NCOA1: variants seen among roughly 807,000 people sequenced by gnomAD.
NCOA1 encodes the protein nuclear receptor coactivator 1.
In NCOA1, 35 loss-of-function variants were observed where a neutral mutation model predicts 150.9. The ratio of observed to expected loss-of-function variants is 0.23; its 90% CI spans 0.18 to 0.31. NCOA1 has a LOEUF of 0.31. Ranked by LOEUF, NCOA1 falls within the 10% of genes least tolerant of loss-of-function variation. The pLI, the probability that NCOA1 is intolerant of heterozygous loss-of-function variation, is 1.00. For synonymous variants in NCOA1, 590 were observed against 630.0 expected, an observed-to-expected ratio of 0.94 and a Z score of 0.95; for missense variants, 1,491 against 1,749.3, an observed-to-expected ratio of 0.85 and a Z score of 2.63.
chr2:24,701,958 C>T (rs867087936), intron 11 of NCOA1, among the ~76,000 whole-genome samples: 12 of 152,140 alleles, frequency 7.9e-5, no homozygotes, highest in Non-Finnish European at 1.2e-4. Flanking sequence ...TGCAGTGAGG[C>T]GAGATCATGC....
At chr2:24,524,076 T>TAA (rs1203642581) in intron 1 of NCOA1, among the ~76,000 whole-genome samples, 5 of 152,080 alleles carry the variant, frequency 3.3e-5, no homozygotes, top group Admixed American at 2.0e-4. Context: ...ATGATAAACT[T>TAA]TGCACAAAAA....
At chr2:24,645,510 GAAAAAAA>G (rs397873594) in intron 4 of NCOA1, among the ~76,000 whole-genome samples, 2 of 73,342 alleles carry the variant, frequency 2.7e-5, no homozygotes, top group African/African-American at 1.3e-4. Context: ...ACTCCTCTCA[GAAAAAAA>G]AAAAAAAAAA....
intron 5 of NCOA1, among the ~76,000 whole-genome samples, chr2:24,665,049 AGGTGC>A (rs965706471): frequency 5.9e-5 from 9 of 152,242 alleles, no homozygotes; most frequent in Non-Finnish European, 1.3e-4. Flanking sequence ...TTTTTTAAAA[AGGTGC>A]TACCTGTATG....
intron 1 of NCOA1, among the ~76,000 whole-genome samples, chr2:24,502,823 C>T (rs185272648): frequency 2.9e-4 from 44 of 152,228 alleles, no homozygotes; most frequent in Non-Finnish European, 2.9e-5. Context: ...CAGATTTCAC[C>T]TTGCTTATTA....
intron 1 of NCOA1, among the ~76,000 whole-genome samples, chr2:24,508,403 C>G (rs1663793057): frequency 6.6e-6 from 1 of 151,848 alleles, no homozygotes; most frequent in East Asian, 1.9e-4. Flanking sequence ...CTTTTACAAA[C>G]CAGAACATTC....
chr2:24,744,551 A>G (rs965034469), intron 19 of NCOA1, among the ~76,000 whole-genome samples: 1 of 152,258 alleles, frequency 6.6e-6, no homozygotes, highest in Non-Finnish European at 1.5e-5. Flanking sequence ...GTTGGCACAA[A>G]ATGAAGTTCT....
chr2:24,724,496 A>G (rs1023817677), intron 14 of NCOA1, among the ~76,000 whole-genome samples: 2 of 152,218 alleles, frequency 1.3e-5, no homozygotes, highest in African/African-American at 2.4e-5. Flanking sequence ...CATGCAGTCT[A>G]TCCAAACAAA....
chr2:24,584,407 A>T (rs1667316926), intron 2 of NCOA1, 69 bp from the exon 3 acceptor site: 1 of 152,156 alleles, frequency 6.6e-6, no homozygotes, highest in Non-Finnish European at 1.5e-5. Flanking sequence ...TCCAAAGTAG[A>T]CTGCATTAAT....
chr2:24,730,568 A>G (rs555679161), intron 17 of NCOA1, among the ~76,000 whole-genome samples: 6 of 152,304 alleles, frequency 3.9e-5, no homozygotes, highest in African/African-American at 1.4e-4. Flanking sequence ...TGATGTTACT[A>G]TATTAGGAGA....
intron 4 of NCOA1, among the ~76,000 whole-genome samples, chr2:24,652,640 C>A (rs1259772950): frequency 6.6e-6 from 1 of 152,064 alleles, no homozygotes; most frequent in African/African-American, 2.4e-5. Context: ...AGTTCTATTT[C>A]TTTAGCCTTC....
intron 5 of NCOA1, among the ~76,000 whole-genome samples, chr2:24,662,369 A>G (rs546750567): frequency 1.3e-5 from 2 of 152,312 alleles, no homozygotes; most frequent in South Asian, 4.1e-4. Context: ...CTTGTTGAAT[A>G]TTTCCAATTC....
intron 3 of NCOA1, among the ~76,000 whole-genome samples, chr2:24,638,617 A>G (rs1368005782): frequency 2.0e-5 from 3 of 152,250 alleles, no homozygotes; most frequent in African/African-American, 4.8e-5. Flanking sequence ...ACAGTGTTTA[A>G]GAGTTCTCTT....
chr2:24,588,498 T>C (rs1188949568), intron 3 of NCOA1, among the ~76,000 whole-genome samples: 1 of 152,196 alleles, frequency 6.6e-6, no homozygotes, highest in East Asian at 1.9e-4. Flanking sequence ...GTTGCCTTCC[T>C]TTTTCCCCCC....
chr2:24,748,300 T>G (rs1444451608), intron 19 of NCOA1, among the ~76,000 whole-genome samples: 1 of 151,026 alleles, frequency 6.6e-6, no homozygotes, highest in Non-Finnish European at 1.5e-5. Flanking sequence ...CACAGAAAAT[T>G]TAAAACGGTT....
intron 8 of NCOA1, 32 bp downstream of exon 8, chr2:24,683,160 T>C: frequency 7.1e-7 from 1 of 1,404,296 alleles, no homozygotes; most frequent in Non-Finnish European, 9.6e-7. Context: ...AAAAGAATAC[T>C]AGCTCTCTGT....
intron 3 of NCOA1, among the ~76,000 whole-genome samples, chr2:24,629,811 TAC>T (rs1491120153): frequency 0.01 from 995 of 98,198 alleles, 16 homozygotes; most frequent in East Asian, 0.03. Flanking sequence ...TTAAGTAACA[TAC>T]ATACATATAT....
intron 3 of NCOA1, among the ~76,000 whole-genome samples, chr2:24,634,708 A>ACCCCCCCCCCCCCCCCCCC (rs530645429): frequency 1.3e-4 from 5 of 39,716 alleles, no homozygotes; most frequent in African/African-American, 3.5e-4. Context: ...TAGGGGAGGA[A>ACCCCCCCCCCCCCCCCCCC]CCCCCCCCCC....
intron 5 of NCOA1, among the ~76,000 whole-genome samples, chr2:24,660,511 T>A (rs1671138120): frequency 6.6e-6 from 1 of 152,066 alleles, no homozygotes; most frequent in African/African-American, 2.4e-5. Flanking sequence ...AATATTACAT[T>A]TACATAATTT....
chr2:24,696,937 A>C (rs779392649), intron 10 of NCOA1, among the ~76,000 whole-genome samples: 51 of 151,904 alleles, frequency 3.4e-4, no homozygotes, highest in Non-Finnish European at 6.5e-4. Flanking sequence ...ATTCTGTAAA[A>C]CGTAATAAAA....
Sources: gnomAD v4.1 joint callset for allele counts (sites outside exome capture counted in the v4.1 genomes callset) on GRCh38, gnomAD v4.1.1 for gene constraint, MANE v1.5 for transcripts, NCBI Gene and HGNC (gene_info 2026-07-23, HGNC 2026-07-21) for gene names.